Variants in UGGT2 observed in about 807,000 individuals in gnomAD.
UGGT2 encodes the protein UDP-glucose glycoprotein glucosyltransferase 2.
In UGGT2, 180 loss-of-function variants were observed where a neutral mutation model predicts 192.1. The observed-to-expected ratio is 0.94, with a 90% CI of 0.83 to 1.06. The LOEUF (loss-of-function observed/expected upper bound fraction) is 1.06. UGGT2 is among the 50% of genes least tolerant of loss of function. UGGT2 has a pLI of 0.00. For synonymous variants in UGGT2, 580 were observed against 591.0 expected, an observed-to-expected ratio of 0.98 and a Z score of 0.27; for missense variants, 1,849 against 1,795.7, an observed-to-expected ratio of 1.03 and a Z score of -0.54.
In UGGT2 at chr13:95,972,575, C is replaced by T. The variant is rs765793961; in HGVS notation, c.1184+5G>A. 7 of 1,602,384 alleles carry T rather than the reference C, an allele frequency of 4.4e-6. No individual in the cohort carries two copies. Among genetic ancestry groups the T allele is most frequent in the East Asian group, 2.2e-5 (1 of 44,724 alleles). On this transcript the variant is annotated splice_donor_5th_base_variant and intron_variant, in intron 11 of 38. Transcript: ENST00000376747. ...GTTCATTTACAGCAATAATTTAATA[C>T]TTACCTAAAAGCGTCATAAACATCC...
intron 7 of UGGT2, 83 bp from the exon 8 acceptor site, chr13:95,990,156 T>C: frequency 1.4e-6 from 1 of 713,450 alleles, no homozygotes; most frequent in South Asian, 2.8e-5. Flanking sequence ...AAATTACATA[T>C]TCCATGTAAT....
chr13:95,888,766 C>A (rs1378537707), intron 25 of UGGT2, among the ~76,000 whole-genome samples: 2 of 151,602 alleles, frequency 1.3e-5, no homozygotes, highest in Admixed American at 6.6e-5. Flanking sequence ...CTATTATTAC[C>A]AATGATGGAA....
At chr13:95,842,678 T>A (rs901469863) in intron 36 of UGGT2, among the ~76,000 whole-genome samples, 1 of 152,230 alleles carries the variant, frequency 6.6e-6, no homozygotes, top group Non-Finnish European at 1.5e-5. Context: ...TTTGTTGGCA[T>A]CCTCTCTTTC....
intron 20 of UGGT2, 67 bp from the exon 21 acceptor site, chr13:95,903,127 T>C: frequency 6.8e-7 from 1 of 1,469,338 alleles, no homozygotes; most frequent in Non-Finnish European, 9.1e-7. Flanking sequence ...GAATATATTT[T>C]CTTTCCCATC....
chr13:95,804,957 A>G (rs1455094090), intron 38 of UGGT2, among the ~76,000 whole-genome samples: 1 of 152,090 alleles, frequency 6.6e-6, no homozygotes, highest in East Asian at 1.9e-4. Flanking sequence ...AAACCTAAAA[A>G]CCTTTGTGTA....
intron 7 of UGGT2, among the ~76,000 whole-genome samples, chr13:95,991,642 T>C (rs949140775): frequency 3.9e-5 from 6 of 152,300 alleles, no homozygotes; most frequent in African/African-American, 1.4e-4. Context: ...CAATGGCATT[T>C]CTTTCTAAAA....
At chr13:95,941,809 G>GT (rs1325957659) in intron 15 of UGGT2, among the ~76,000 whole-genome samples, 1 of 152,054 alleles carries the variant, frequency 6.6e-6, no homozygotes, top group Non-Finnish European at 1.5e-5. Context: ...AATAAACCAC[G>GT]TAACATAAGA....
intron 20 of UGGT2, among the ~76,000 whole-genome samples, chr13:95,921,503 C>A (rs909968470): frequency 2.0e-5 from 3 of 151,862 alleles, no homozygotes; most frequent in Admixed American, 6.6e-5. Context: ...CCCCCAAGAA[C>A]ACTACACGAA....
At chr13:95,809,136 A>T (rs1884460096) in intron 38 of UGGT2, among the ~76,000 whole-genome samples, 1 of 152,150 alleles carries the variant, frequency 6.6e-6, no homozygotes, top group Non-Finnish European at 1.5e-5. Context: ...AGCTCTTTTT[A>T]AAAAAAGCAT....
At chr13:95,861,884 C>T (rs549170656) in intron 31 of UGGT2, among the ~76,000 whole-genome samples, 6 of 151,706 alleles carry the variant, frequency 4.0e-5, no homozygotes, top group South Asian at 4.1e-4. Flanking sequence ...CACAACACTA[C>T]GTATCTGGAG....
At chr13:96,028,559 G>C (rs1398442531) in intron 2 of UGGT2, among the ~76,000 whole-genome samples, 1 of 152,168 alleles carries the variant, frequency 6.6e-6, no homozygotes, top group Non-Finnish European at 1.5e-5. Context: ...AAATATGTAA[G>C]TCTGGCAGAA....
At chr13:96,052,282 A>G (rs146567681) in intron 1 of UGGT2, among the ~76,000 whole-genome samples, 4,109 of 152,324 alleles carry the variant, frequency 0.027, 62 homozygotes, top group Non-Finnish European at 0.034. Flanking sequence ...ATGCAAAGGC[A>G]TAAGATTGAC....
chr13:95,916,331 A>G (rs983682198), intron 20 of UGGT2, among the ~76,000 whole-genome samples: 1 of 152,202 alleles, frequency 6.6e-6, no homozygotes, highest in Admixed American at 6.5e-5. Context: ...CTTGACCGTT[A>G]AAAACAAACA....
intron 20 of UGGT2, among the ~76,000 whole-genome samples, chr13:95,916,804 GA>G (rs1429362527): frequency 6.6e-6 from 1 of 151,940 alleles, no homozygotes; most frequent in African/African-American, 2.4e-5. Flanking sequence ...AAAAATTTCA[GA>G]ACTTGAAAAC....
At chr13:96,042,225 GC>G (rs1299712076) in intron 1 of UGGT2, among the ~76,000 whole-genome samples, 1 of 152,180 alleles carries the variant, frequency 6.6e-6, no homozygotes, top group African/African-American at 2.4e-5. Context: ...CCTAGTACCA[GC>G]CTGGAGCCTG....
intron 38 of UGGT2, among the ~76,000 whole-genome samples, chr13:95,828,158 C>T (rs980198484): frequency 2.0e-5 from 3 of 152,066 alleles, no homozygotes; most frequent in Non-Finnish European, 4.4e-5. Flanking sequence ...ATCTCTGGGA[C>T]ACACTTAAAG....
At chr13:95,955,776 T>C (rs530963493) in intron 12 of UGGT2, among the ~76,000 whole-genome samples, 59 of 152,356 alleles carry the variant, frequency 3.9e-4, no homozygotes, top group Non-Finnish European at 7.3e-4. Context: ...TTTTTGTGCA[T>C]ACTTCTTCAT....
Position 95,927,464 on chromosome 13 carries a change from TTC to T in UGGT2, c.1978-130_1978-129del. Reference sequence around the variant, plus strand: ...CAATTTAGAATTATTACAATACATTTTCTTTCTTTTTTTTTTTTTTTTTTATT... The same window carrying T: ...CAATTTAGAATTATTACAATACATTTTTTCTTTTTTTTTTTTTTTTTTATT... On this transcript the variant is annotated intron_variant, in intron 17 of 38. Coordinates refer to ENST00000376747, the MANE Select transcript of UGGT2 (RefSeq NM_020121.4). 4 of 554,142 alleles carry T rather than the reference TTC, an allele frequency of 7.2e-6. No homozygotes were observed. The South Asian group carries it at 1.1e-4, about 15-fold the overall frequency. The allele number at this position is 554,142 out of a possible 1,614,324, so 34.3% of individuals were successfully genotyped here.
chr13:95,842,778 T>C (rs1483631537), intron 36 of UGGT2, among the ~76,000 whole-genome samples: 1 of 152,202 alleles, frequency 6.6e-6, no homozygotes, highest in African/African-American at 2.4e-5. Context: ...GCAAGGAAAT[T>C]AGACTTTCCG....
Sources: allele counts gnomAD v4.1 joint callset (sites outside exome capture counted in the v4.1 genomes callset), GRCh38; gene constraint gnomAD v4.1.1; transcripts MANE v1.5; gene names NCBI Gene and HGNC (gene_info 2026-07-23, HGNC 2026-07-21).